The following CTNNA2 variants were observed in gnomAD, a reference collection of about 807,000 sequenced individuals.
CTNNA2 encodes catenin alpha-2.
Under a neutral mutation model 101.0 loss-of-function variants are expected in CTNNA2, and 42 were observed. That is an observed-to-expected ratio of 0.42 (90% CI 0.32 to 0.54). The LOEUF (loss-of-function observed/expected upper bound fraction) is 0.54, where lower values mean the gene tolerates loss of function less well. Ranked by LOEUF, CTNNA2 falls within the 20% of genes least tolerant of loss-of-function variation. The pLI, the probability that CTNNA2 is intolerant of heterozygous loss-of-function variation, is 0.14. For missense variants in CTNNA2, 871 were observed against 1,223.1 expected (o/e 0.71, Z 4.29); for synonymous variants, 450 against 456.4 (o/e 0.99, Z 0.18).
At chr2:80,089,233 T>C (rs1440421530) in intron 7 of CTNNA2, among the ~76,000 whole-genome samples, 1 of 151,964 alleles carries the variant, frequency 6.6e-6, no homozygotes, top group African/African-American at 2.4e-5. Flanking sequence ...TGGAATCTTC[T>C]AGAATTGTGG....
intron 9 of CTNNA2, among the ~76,000 whole-genome samples, chr2:80,487,409 C>T (rs1686682381): frequency 6.6e-6 from 1 of 151,876 alleles, no homozygotes; most frequent in Non-Finnish European, 1.5e-5. Context: ...GTTTAATTGA[C>T]TCACAGTTCT....
chr2:79,572,037 T>C (rs1675489308), intron 1 of CTNNA2, among the ~76,000 whole-genome samples: 1 of 152,170 alleles, frequency 6.6e-6, no homozygotes, highest in African/African-American at 2.4e-5. Flanking sequence ...ATGAGCTGAA[T>C]TGTGACAGTT....
At chr2:79,319,122 C>A (rs1458646361) in intron 3 of CTNNA2, among the ~76,000 whole-genome samples, 1 of 152,140 alleles carries the variant, frequency 6.6e-6, no homozygotes. Flanking sequence ...AACAAACATA[C>A]TACTCACCTC....
chr2:79,543,858 C>T (rs1673566770), intron 1 of CTNNA2, among the ~76,000 whole-genome samples: 1 of 152,108 alleles, frequency 6.6e-6, no homozygotes, highest in Non-Finnish European at 1.5e-5. Context: ...ATTTAAATTT[C>T]TCGTTATAAA....
intron 5 of CTNNA2, chr2:79,505,265 T>C (rs1355346768): frequency 6.6e-6 from 1 of 152,220 alleles, no homozygotes; most frequent in Admixed American, 6.5e-5. Flanking sequence ...TTTTTTCATT[T>C]TTTCTTCTTC....
chr2:79,543,825 A>G (rs1367398), intron 1 of CTNNA2, among the ~76,000 whole-genome samples: 51,516 of 152,114 alleles, frequency 0.34, 9,482 homozygotes, highest in East Asian at 0.5. Flanking sequence ...TGAAAATATT[A>G]AAGAATAAAA....
chr2:79,460,150 A>C (rs1670864167), intron 4 of CTNNA2, among the ~76,000 whole-genome samples: 1 of 152,222 alleles, frequency 6.6e-6, no homozygotes, highest in South Asian at 2.1e-4. Context: ...ATCTTGTTGA[A>C]TATCTCTACC....
At chr2:79,210,088 T>TTGTGTGTGTG (rs59836500) in intron 2 of CTNNA2, among the ~76,000 whole-genome samples, 22 of 144,884 alleles carry the variant, frequency 1.5e-4, no homozygotes, top group Admixed American at 4.2e-4. Flanking sequence ...TCAAGCTATA[T>TTGTGTGTGTG]TGTGTGTGTG....
At chr2:80,237,849 T>G (rs1418429907) in intron 7 of CTNNA2, among the ~76,000 whole-genome samples, 2 of 152,134 alleles carry the variant, frequency 1.3e-5, no homozygotes, top group African/African-American at 4.8e-5. Context: ...GGTGGTGGGT[T>G]GAGTTGGTCT....
intron 12 of CTNNA2, among the ~76,000 whole-genome samples, chr2:80,557,051 A>T (rs1193058424): frequency 1.3e-5 from 2 of 152,210 alleles, no homozygotes; most frequent in Non-Finnish European, 2.9e-5. Context: ...CTGGAATAGC[A>T]AGTAAAACAC....
intron 7 of CTNNA2, among the ~76,000 whole-genome samples, chr2:79,995,214 T>C (rs988533862): frequency 2.1e-4 from 32 of 152,184 alleles, no homozygotes; most frequent in African/African-American, 7.2e-4. Context: ...AGTGTTCCAT[T>C]GCATTAAAAT....
intron 3 of CTNNA2, among the ~76,000 whole-genome samples, chr2:79,806,316 A>G (rs993699575): frequency 1.3e-5 from 2 of 152,138 alleles, no homozygotes; most frequent in Non-Finnish European, 2.9e-5. Flanking sequence ...ATGACTTGGG[A>G]GGCAACTTAG....
At chr2:80,601,794 T>A (rs1697565166) in intron 15 of CTNNA2, 1 of 152,096 alleles carries the variant, frequency 6.6e-6, no homozygotes, top group African/African-American at 2.4e-5. Flanking sequence ...TTTATTAGTT[T>A]TTTTCCAACC....
intron 2 of CTNNA2, among the ~76,000 whole-genome samples, chr2:79,652,714 G>T (rs1288897272): frequency 6.6e-6 from 1 of 152,070 alleles, no homozygotes; most frequent in African/African-American, 2.4e-5. Flanking sequence ...AGTTTCCAGG[G>T]ATTTGGATGG....
chr2:79,269,148 A>G (rs771859814), intron 2 of CTNNA2, among the ~76,000 whole-genome samples: 1 of 152,120 alleles, frequency 6.6e-6, no homozygotes, highest in Non-Finnish European at 1.5e-5. Flanking sequence ...ACAGCATGAA[A>G]GGGATCCACA....
intron 7 of CTNNA2, among the ~76,000 whole-genome samples, chr2:80,344,228 T>C (rs959123766): frequency 6.6e-6 from 1 of 152,196 alleles, no homozygotes; most frequent in South Asian, 2.1e-4. Flanking sequence ...TTCTTTTTTT[T>C]CATTCCATAT....
chr2:79,545,266 T>A (rs146349372), intron 1 of CTNNA2, among the ~76,000 whole-genome samples: 63 of 152,306 alleles, frequency 4.1e-4, no homozygotes, highest in African/African-American at 1.3e-3. Flanking sequence ...CTAGGCCCTA[T>A]GCTTAGAGAG....
intron 9 of CTNNA2, among the ~76,000 whole-genome samples, chr2:80,461,710 A>G (rs1473544919): frequency 6.6e-6 from 1 of 152,182 alleles, no homozygotes; most frequent in Non-Finnish European, 1.5e-5. Flanking sequence ...GAACTAGATT[A>G]TGAGTCACAG....
rs75649249 is a variant in CTNNA2, at chr2:79,822,183, C to T, written c.299-35830C>T. Among the ~76,000 whole-genome samples, 471 of 136,446 alleles carry T rather than the reference C, an allele frequency of 3.5e-3. 2 individuals are homozygous for T. Among genetic ancestry groups the T allele is most frequent in the Non-Finnish European group, 4.3e-3 (282 of 65,542 alleles). The allele number at this position is 136,446 out of a possible 152,430, so 89.5% of individuals were successfully genotyped here. A position where few individuals can be genotyped will look rare whatever the true frequency, so the allele number is the denominator to read the frequency against. On this transcript the variant is annotated intron_variant, in intron 3 of 18. Coordinates refer to ENST00000402739, the MANE Select transcript of CTNNA2 (RefSeq NM_001282597.3). Reference sequence around the variant, plus strand: ...CTTGGGTGTTGATATTTGATTCCAACGGTTTTTTTTTTTAATTTTTGGTTA... The same window carrying T: ...CTTGGGTGTTGATATTTGATTCCAATGGTTTTTTTTTTTAATTTTTGGTTA...
Sources: allele counts gnomAD v4.1 joint callset (sites outside exome capture counted in the v4.1 genomes callset), GRCh38; gene constraint gnomAD v4.1.1; transcripts MANE v1.5; gene names NCBI Gene and HGNC (gene_info 2026-07-23, HGNC 2026-07-21).